The following RBFOX2 variants were observed in gnomAD, a reference collection of about 807,000 sequenced individuals.
RBFOX2 encodes RNA binding protein fox-1 homolog 2.
In RBFOX2, 10 loss-of-function variants were observed where a neutral mutation model predicts 49.1. The ratio of observed to expected loss-of-function variants is 0.20; its 90% CI spans 0.13 to 0.35. The LOEUF is 0.35. Among genes scored for constraint, RBFOX2 ranks in the 10% least tolerant of loss-of-function variants. The pLI is 1.00. For missense variants in RBFOX2, 323 were observed against 486.9 expected, an observed-to-expected ratio of 0.66 and a Z score of 3.17; for synonymous variants, 183 against 187.4, an observed-to-expected ratio of 0.98 and a Z score of 0.19.
chr22:35,899,920 C>T (rs2149441165), intron 1 of RBFOX2, among the ~76,000 whole-genome samples: 1 of 152,278 alleles, frequency 6.6e-6, no homozygotes, highest in Middle Eastern at 3.4e-3. Context: ...AAGTTTCTGG[C>T]ATGCTTGCTT....
intron 1 of RBFOX2, among the ~76,000 whole-genome samples, chr22:36,017,399 T>C (rs2059079574): frequency 6.6e-6 from 1 of 151,914 alleles, no homozygotes; most frequent in African/African-American, 2.4e-5. Context: ...TGGTGGTGGG[T>C]GCCTGTAAAT....
At position 35,913,989 on chromosome 22, in the gene RBFOX2, T is replaced by C. The variant is rs117778353; in HGVS notation, c.-34+24858A>G. 9.9e-5 allele frequency among the ~76,000 whole-genome samples: 15 copies of C among 152,282 alleles called. No individual in the cohort carries two copies. The East Asian group carries it at 2.9e-3, about 29-fold the overall frequency. On this transcript the variant is annotated intron_variant, in intron 1 of 13. Coordinates refer to the RBFOX2 transcript ENST00000359369. ...GAATCCCTAAGTCATTTACTTGCTC[T>C]AGTAGCGGGGCTGTGAAAGAGGAGA...
upstream of RBFOX2, among the ~76,000 whole-genome samples, chr22:35,843,444 T>TGA (rs1473153736): frequency 3.3e-5 from 1 of 30,362 alleles, no homozygotes; most frequent in Non-Finnish European, 5.5e-5. Flanking sequence ...GTCTCAACTC[T>TGA]TTGAGTGTTT....
chr22:35,825,862 TC>T (rs758404009), intron 1 of RBFOX2, among the ~76,000 whole-genome samples: 1 of 149,902 alleles, frequency 6.7e-6, no homozygotes, highest in Non-Finnish European at 1.5e-5. Flanking sequence ...GTGCCCGTAA[TC>T]CCAGCTACCA....
At chr22:35,869,621 G>C (rs1345098279) in intron 1 of RBFOX2, among the ~76,000 whole-genome samples, 1 of 150,928 alleles carries the variant, frequency 6.6e-6, no homozygotes, top group East Asian at 2.0e-4. Context: ...TTTTGATGTT[G>C]TTTTTTCTTT....
intron 1 of RBFOX2, among the ~76,000 whole-genome samples, chr22:35,813,214 G>A (rs538878350): frequency 1.3e-5 from 2 of 152,300 alleles, no homozygotes; most frequent in African/African-American, 4.8e-5. Flanking sequence ...AGCATGCAAT[G>A]TCTGAATATT....
At chr22:35,876,042 TAAAC>T (rs1003421461) in intron 1 of RBFOX2, among the ~76,000 whole-genome samples, 4 of 152,122 alleles carry the variant, frequency 2.6e-5, no homozygotes, top group East Asian at 1.9e-4. Flanking sequence ...AAATCACCGA[TAAAC>T]AAAGGTAGAA....
At chr22:35,939,009 TTCC>T, upstream of RBFOX2, 1 of 1,018,472 alleles carries the variant, frequency 9.8e-7, no homozygotes. Flanking sequence ...TCCTAAAATG[TTCC>T]ATTAACTGTA....
intron 1 of RBFOX2, among the ~76,000 whole-genome samples, chr22:35,980,474 G>A (rs1482139495): frequency 6.6e-6 from 1 of 152,176 alleles, no homozygotes; most frequent in Non-Finnish European, 1.5e-5. Flanking sequence ...TCAAAGCAAA[G>A]GAGTAACTCT....
At chr22:35,861,069 G>A (rs1407506490) in intron 1 of RBFOX2, among the ~76,000 whole-genome samples, 2 of 152,160 alleles carry the variant, frequency 1.3e-5, no homozygotes, top group African/African-American at 4.8e-5. Flanking sequence ...AGGTGCAAAC[G>A]GAATTCAGTA....
At chr22:35,942,763 AAAG>A (rs1489845686), upstream of RBFOX2, among the ~76,000 whole-genome samples, 1 of 152,024 alleles carries the variant, frequency 6.6e-6, no homozygotes, top group Non-Finnish European at 1.5e-5. Flanking sequence ...TCGAAAATAT[AAAG>A]AAGGATATAT....
intron 1 of RBFOX2, among the ~76,000 whole-genome samples, chr22:35,915,680 A>AG (rs2050332311): frequency 6.6e-6 from 1 of 152,334 alleles, no homozygotes; most frequent in South Asian, 2.1e-4. Context: ...CTCCTGCAGA[A>AG]TGACTAAACC....
intron 1 of RBFOX2, among the ~76,000 whole-genome samples, chr22:35,877,096 C>T (rs2045219570): frequency 6.6e-6 from 1 of 152,118 alleles, no homozygotes; most frequent in Non-Finnish European, 1.5e-5. Context: ...TTTATTTCAA[C>T]ACCTACTGCA....
Position 35,988,273 on chromosome 22 carries a change from C to T in RBFOX2, c.186+39967G>A, listed in dbSNP as rs539350466. 1.4e-4 allele frequency among the ~76,000 whole-genome samples: 22 copies of T among 152,262 alleles called. No individual in the cohort carries two copies. The South Asian group carries it at 4.6e-3, about 32-fold the overall frequency. On this transcript the variant is annotated intron_variant, in intron 1 of 13. Transcript: ENST00000438146. ...CAGTTCTAAAATCCTATAATCCATA[C>T]AACCATTAAATGGCAATAAATACTA... is the stretch of plus-strand genomic sequence containing the variant.
At chr22:35,865,958 G>A (rs964093258) in intron 1 of RBFOX2, among the ~76,000 whole-genome samples, 5 of 152,268 alleles carry the variant, frequency 3.3e-5, no homozygotes, top group African/African-American at 1.2e-4. Flanking sequence ...CCAAATATTG[G>A]CTATCACACT....
chr22:35,826,988 T>G (rs1030581396), intron 1 of RBFOX2, among the ~76,000 whole-genome samples: 3 of 152,210 alleles, frequency 2.0e-5, no homozygotes, highest in African/African-American at 7.2e-5. Flanking sequence ...ATTACTTTAC[T>G]TAGATAAGCT....
At chr22:35,747,675 C>T (rs543753488) in intron 9 of RBFOX2, 60 of 152,292 alleles carry the variant, frequency 3.9e-4, no homozygotes, top group African/African-American at 1.3e-3. Context: ...TTTACCTAAA[C>T]GTAATTCAGA....
intron 1 of RBFOX2, among the ~76,000 whole-genome samples, chr22:35,914,907 C>G (rs2050237663): frequency 6.6e-6 from 1 of 152,192 alleles, no homozygotes; most frequent in Admixed American, 6.5e-5. Context: ...CTGTAATGAC[C>G]AGATCCTTAG....
At chr22:35,831,453 TTAAAAA>T (rs905576746) in intron 1 of RBFOX2, among the ~76,000 whole-genome samples, 121 of 152,134 alleles carry the variant, frequency 8.0e-4, no homozygotes, top group African/African-American at 2.9e-3. Flanking sequence ...TAATAATAAA[TTAAAAA>T]TAAAGTTAAA....
Sources: allele counts gnomAD v4.1 joint callset (sites outside exome capture counted in the v4.1 genomes callset), GRCh38; gene constraint gnomAD v4.1.1; transcripts MANE v1.5; gene names NCBI Gene and HGNC (gene_info 2026-07-23, HGNC 2026-07-21).